The following ABLIM2 variants were observed in gnomAD, a reference collection of about 807,000 sequenced individuals.
ABLIM2 encodes actin-binding LIM protein 2.
Under a neutral mutation model 97.7 loss-of-function variants are expected in ABLIM2, and 53 were observed. That is an observed-to-expected ratio of 0.54 (90% CI 0.44 to 0.68). The LOEUF (loss-of-function observed/expected upper bound fraction) is 0.68. Among genes scored for constraint, ABLIM2 ranks in the 30% least tolerant of loss-of-function variants. ABLIM2 has a pLI of 0.00. For missense variants in ABLIM2, 835 were observed against 867.2 expected, an observed-to-expected ratio of 0.96 and a Z score of 0.47; for synonymous variants, 361 against 345.8, an observed-to-expected ratio of 1.04 and a Z score of -0.49.
chr4:8,086,823 G>A (rs776690851), intron 4 of ABLIM2, among the ~76,000 whole-genome samples: 5 of 150,914 alleles, frequency 3.3e-5, no homozygotes, highest in South Asian at 2.1e-4. Flanking sequence ...ATAAAACCAC[G>A]TTTACATTAA....
Position 8,002,755 on chromosome 4 carries a change from G to T in ABLIM2, c.1618+5304C>A, listed in dbSNP as rs1014870298. The stretch of plus-strand genomic sequence containing the variant: ...GAGTCCTCCCAAGGGCACACAAACT[G>T]CTCTGTGACCTGACGCATGGCCCTC... On this transcript the variant is annotated intron_variant, in intron 16 of 20. Transcript: ENST00000447017. This position sits in a 1 kb window ranked among gnomAD's most constrained non-coding sequence, Gnocchi z 6.1. 2.6e-5 allele frequency among the ~76,000 whole-genome samples: 4 copies of T among 152,152 alleles called. No individual in the cohort carries two copies. Among genetic ancestry groups the T allele is most frequent in the Admixed American group, 2.0e-4 (3 of 15,282 alleles).
At chr4:8,079,665 T>C (rs1366632597) in intron 5 of ABLIM2, among the ~76,000 whole-genome samples, 2 of 152,192 alleles carry the variant, frequency 1.3e-5, no homozygotes, top group African/African-American at 2.4e-5. Flanking sequence ...AGAATTAGTA[T>C]ACACCCTCAG....
intron 20 of ABLIM2, among the ~76,000 whole-genome samples, chr4:7,976,876 CATACACACACGCAT>C (rs1222812355): frequency 6.6e-6 from 1 of 150,418 alleles, no homozygotes; most frequent in Admixed American, 6.7e-5. Flanking sequence ...CATACATAAA[CATACACACACGCAT>C]ATACACACAT....
chr4:8,088,217 G>T lies in ABLIM2; in HGVS notation c.406C>A (p.Leu136Met), dbSNP rs1294498947. 6.2e-7 allele frequency: 1 copy of T among 1,612,824 alleles called. No individual in the cohort carries two copies. Among genetic ancestry groups the T allele is most frequent in the Non-Finnish European group, 8.5e-7 (1 of 1,179,668 alleles). Residue 136 changes from leucine (L) to methionine (M), a missense_variant, in exon 4 of 21, where the codon CTG (leucine) becomes ATG (methionine). Physicochemically the swap from Leu to Met is conservative, Grantham distance 15. Coordinates refer to ENST00000447017, the MANE Select transcript of ABLIM2 (RefSeq NM_001130083.2). ...GCGCTGCTGCCCACCGATACGGGCA[G>T]GGAACACTTCTGGCACATGCATTCC... The part of the protein sequence containing the change: ...GKECMCQKCS[L>M]PVSVGSSAHL...
intron 6 of ABLIM2, among the ~76,000 whole-genome samples, chr4:8,064,667 A>G (rs1471026563): frequency 6.6e-6 from 1 of 152,150 alleles, no homozygotes; most frequent in Non-Finnish European, 1.5e-5. Flanking sequence ...TGGTGAACTG[A>G]TCCAAGCCAA....
intron 16 of ABLIM2, among the ~76,000 whole-genome samples, chr4:7,997,960 C>T (rs962404183): frequency 1.3e-5 from 2 of 151,974 alleles, no homozygotes; most frequent in African/African-American, 2.4e-5. Flanking sequence ...CGGCTCACCA[C>T]AACCTCCGCC....
chr4:8,155,893 C>A lies in ABLIM2; in HGVS notation c.10+2787G>T, dbSNP rs1322351614. Among the ~76,000 whole-genome samples, 1 of 151,914 alleles carries A rather than the reference C, an allele frequency of 6.6e-6. No homozygotes were observed. Among genetic ancestry groups the A allele is most frequent in the South Asian group, 2.1e-4 (1 of 4,822 alleles). ...GGCGAGGACACAGGGAGAGGGCGGC[C>A]GTCCACAAGCCAAGGAGAGGGGCTT... On this transcript the variant is annotated intron_variant, in intron 1 of 20. Transcript: ENST00000447017. This position sits in a 1 kb window ranked among gnomAD's most constrained non-coding sequence, Gnocchi z 4.2.
At position 8,087,849 on chromosome 4, in the gene ABLIM2, C is replaced by T. The variant is rs531628230; in HGVS notation, c.454+320G>A. ...GTGCAAAGACTTGGCGGCACGAGAG[C>T]CCCAGAAACTTCCATCCCTGGCTGC... On this transcript the variant is annotated intron_variant, in intron 4 of 20. Coordinates refer to ENST00000447017, the MANE Select transcript of ABLIM2 (RefSeq NM_001130083.2). The surrounding 1 kb of genome is among the most constrained non-coding windows in gnomAD (Gnocchi z 4.6). 3.9e-4 allele frequency among the ~76,000 whole-genome samples: 59 copies of T among 152,136 alleles called. No homozygotes were observed. The highest frequency in any genetic ancestry group is 1.4e-3 in the African/African-American group (58 of 41,486).
intron 1 of ABLIM2, among the ~76,000 whole-genome samples, chr4:8,137,122 C>T (rs936176675): frequency 2.6e-5 from 4 of 152,216 alleles, no homozygotes; most frequent in East Asian, 1.9e-4. Flanking sequence ...GAGAGTTCAA[C>T]GTCTGTCTTT....
rs1424411500 is a variant in ABLIM2 at position 7,970,970 on chromosome 4, G to T, written c.1825-3867C>A. On this transcript the variant is annotated intron_variant, in intron 20 of 20. Coordinates refer to ENST00000447017, the MANE Select transcript of ABLIM2 (RefSeq NM_001130083.2). The surrounding 1 kb of genome is among the most constrained non-coding windows in gnomAD (Gnocchi z 5.3). ...GCTCCAGTCCTGTTTTCTGTCTGCA[G>T]CGTGAGAGAACTTGGTTGCCTGGGT... 6.6e-6 allele frequency among the ~76,000 whole-genome samples: 1 copy of T among 152,108 alleles called. No homozygotes were observed. Among genetic ancestry groups the T allele is most frequent in the Admixed American group, 6.6e-5 (1 of 15,260 alleles).
At position 8,148,610 on chromosome 4, in the gene ABLIM2, T is replaced by A. The variant is rs114922229; in HGVS notation, c.10+10070A>T. Among the ~76,000 whole-genome samples the A allele has an allele frequency of 1.7e-5, 2 of 120,438 alleles. No homozygotes were observed. The highest frequency in any genetic ancestry group is 1.5e-4 in the Admixed American group (2 of 12,970). 79.0% of individuals were successfully genotyped at this position (120,438 alleles called of 152,430 possible). A position where few individuals can be genotyped will look rare whatever the true frequency, so the allele number is the denominator to read the frequency against. On this transcript the variant is annotated intron_variant, in intron 1 of 20. Coordinates refer to ENST00000447017, the MANE Select transcript of ABLIM2 (RefSeq NM_001130083.2). This position sits in a 1 kb window ranked among gnomAD's most constrained non-coding sequence, Gnocchi z 6.7. ...ATAGGGTGAAAGCACATCGCGGTGC[T>A]GGGTCCACACTGGGGAAGCGCGTAA... is the stretch of plus-strand genomic sequence containing the variant.
chr4:8,027,219 C>T (rs1386382588), intron 12 of ABLIM2, among the ~76,000 whole-genome samples: 6 of 152,144 alleles, frequency 3.9e-5, no homozygotes, highest in Middle Eastern at 3.2e-3. Flanking sequence ...TGAGCGTGGC[C>T]GTTTCCCTGC....
At position 8,045,050 on chromosome 4, in the gene ABLIM2, C is replaced by G. The variant is rs1791408382; in HGVS notation, c.900+114G>C. On this transcript the variant is annotated intron_variant, in intron 9 of 20. Coordinates refer to ENST00000447017, the MANE Select transcript of ABLIM2 (RefSeq NM_001130083.2). ...CAAGAGCAATGGCCGTACCTCAGGC[C>G]CCAGATGATAGTTCTCGGAAAACTC... 8 of 930,558 alleles carry G rather than the reference C, an allele frequency of 8.6e-6. No individual in the cohort carries two copies. In the East Asian group the frequency reaches 1.9e-4, roughly 23 times the overall value. 57.6% of individuals were successfully genotyped at this position (930,558 alleles called of 1,614,324 possible).
chr4:8,073,805 AGGTTGGGCAT>A (rs1380286244), intron 6 of ABLIM2, among the ~76,000 whole-genome samples: 1 of 152,202 alleles, frequency 6.6e-6, no homozygotes, highest in Non-Finnish European at 1.5e-5. Context: ...AAATGACAAA[AGGTTGGGCAT>A]GGTGGCTCAC....
At chr4:8,091,682 T>A (rs1296254819) in intron 3 of ABLIM2, among the ~76,000 whole-genome samples, 1 of 74,992 alleles carries the variant, frequency 1.3e-5, no homozygotes, top group Non-Finnish European at 2.3e-5. Context: ...AAATTATATA[T>A]AATTATATAT....
intron 16 of ABLIM2, among the ~76,000 whole-genome samples, chr4:7,997,645 G>C (rs1400740851): frequency 6.6e-6 from 1 of 152,034 alleles, no homozygotes; most frequent in Non-Finnish European, 1.5e-5. Flanking sequence ...AGTTTCAAAA[G>C]TATCTGCAAT....
rs1361685587 is a variant in ABLIM2 at position 7,984,793 on chromosome 4, G to A, written c.1735+46C>T. 5 of 1,536,386 alleles carry A rather than the reference G, an allele frequency of 3.3e-6. No homozygotes were observed. In the Admixed American group the frequency reaches 6.0e-5, roughly 18 times the overall value. On this transcript the variant is annotated intron_variant, in intron 18 of 20. Coordinates refer to ENST00000447017, the MANE Select transcript of ABLIM2 (RefSeq NM_001130083.2). ...AACAAGTCTTGTGGAATGTGTTAGC[G>A]ACCCCTGCCCCAGCCAGAGACCCAC...
At chr4:8,073,047 A>G (rs1487887267) in intron 6 of ABLIM2, among the ~76,000 whole-genome samples, 2 of 151,820 alleles carry the variant, frequency 1.3e-5, no homozygotes, top group Admixed American at 6.6e-5. Flanking sequence ...TGCAGTGGGG[A>G]CTTCCATACC....
chr4:8,012,204 C>T (rs1420927158), intron 14 of ABLIM2, among the ~76,000 whole-genome samples: 2 of 151,184 alleles, frequency 1.3e-5, no homozygotes, highest in East Asian at 2.0e-4. Context: ...TACCCATTCA[C>T]CCGCCTATAC....
Sources: allele counts gnomAD v4.1 joint callset (sites outside exome capture counted in the v4.1 genomes callset), GRCh38; gene constraint gnomAD v4.1.1; non-coding constraint Gnocchi (gnomAD v3.1); transcripts MANE v1.5; gene names NCBI Gene and HGNC (gene_info 2026-07-23, HGNC 2026-07-21).